TRPM2: variants seen among roughly 807,000 people sequenced by gnomAD.
TRPM2 encodes the protein estrogen-responsive element-associated gene 1 protein.
Under a neutral mutation model 174.0 loss-of-function variants are expected in TRPM2, and 161 were observed. The ratio of observed to expected loss-of-function variants is 0.93; its 90% CI spans 0.81 to 1.05. The LOEUF is 1.05. Ranked by LOEUF, TRPM2 falls within the 50% of genes least tolerant of loss-of-function variation. TRPM2 has a pLI of 0.00. For synonymous variants in TRPM2, 954 were observed against 861.3 expected (o/e 1.11, Z -1.88); for missense variants, 2,057 against 2,038.0 (o/e 1.01, Z -0.18).
At chr21:44,364,748 C>T (rs1011254342) in intron 3 of TRPM2, among the ~76,000 whole-genome samples, 11 of 152,138 alleles carry the variant, frequency 7.2e-5, no homozygotes, top group Admixed American at 5.9e-4. Flanking sequence ...GAAGCAAACG[C>T]GAGAGTCCTT....
At position 44,440,606 on chromosome 21, in the gene TRPM2, C is replaced by T. The variant is rs139679940; in HGVS notation, c.4270-183C>T. On this transcript the variant is annotated intron_variant, in intron 30 of 31. Coordinates refer to ENST00000397928, the MANE Select transcript of TRPM2 (RefSeq NM_003307.4). ...GGACGTGTCTGTCCAGGATGAAGCC[C>T]GCATTGGGCTGCTCCGCCTTGCAGG... Among the ~76,000 whole-genome samples the T allele has an allele frequency of 4.6e-5, 7 of 152,348 alleles. No homozygotes were observed. The East Asian group carries it at 7.7e-4, about 17-fold the overall frequency.
chr21:44,362,346 T>TAAAAAAAA (rs2048234614), intron 2 of TRPM2, among the ~76,000 whole-genome samples: 2 of 39,158 alleles, frequency 5.1e-5, no homozygotes, highest in African/African-American at 2.2e-4. Flanking sequence ...CTACTAAAAA[T>TAAAAAAAA]ACAAAAAAAA....
At chr21:44,408,606 G>A (rs369744948) in intron 19 of TRPM2, among the ~76,000 whole-genome samples, 20 of 149,346 alleles carry the variant, frequency 1.3e-4, no homozygotes, top group Non-Finnish European at 2.5e-4. Flanking sequence ...TGCTAACCTC[G>A]TCGTCTGTAA....
intron 8 of TRPM2, 103 bp from the exon 9 acceptor site, chr21:44,382,615 A>G: frequency 9.0e-7 from 1 of 1,107,052 alleles, no homozygotes; most frequent in Non-Finnish European, 1.3e-6. Context: ...CGCAGGCAGG[A>G]CCCAAGGCTC....
Position 44,414,030 on chromosome 21 carries a change from C to T in TRPM2, c.3102C>T (p.Leu1034=). 1.2e-6 allele frequency: 2 copies of T among 1,613,576 alleles called. No homozygotes were observed. The highest frequency in any genetic ancestry group is 1.7e-6 in the Non-Finnish European group (2 of 1,179,976). Residue 1034 remains leucine, a synonymous_variant, in exon 20 of 32, where the codon CTC becomes CTT. Transcript: ENST00000397928. ...TCCTCCTACTCTGCCTCTACCTGCT[C>T]TTCACCAACATCCTGCTGCTCAACC... The part of the protein sequence containing the change: ...LTVLLLCLYL[L]FTNILLLNLL...
intron 25 of TRPM2, 37 bp downstream of exon 25, chr21:44,425,864 C>A: frequency 6.6e-7 from 1 of 1,504,002 alleles, no homozygotes; most frequent in Non-Finnish European, 8.9e-7. Flanking sequence ...GCGGAGTGGC[C>A]GGGCCCCTGG....
chr21:44,386,690 A>G (rs990580448), intron 9 of TRPM2, among the ~76,000 whole-genome samples: 1 of 151,724 alleles, frequency 6.6e-6, no homozygotes, highest in African/African-American at 2.4e-5. Flanking sequence ...TACAGATCCA[A>G]TGCAATTCCT....
At chr21:44,400,199 C>T (rs1411660395) in intron 14 of TRPM2, 60 bp from the exon 15 acceptor site, 51 of 1,443,450 alleles carry the variant, frequency 3.5e-5, no homozygotes, top group African/African-American at 4.2e-5. Context: ...AGACAGCTGA[C>T]GGGCACCATC....
At chr21:44,374,648 C>G (rs1392398726) in intron 5 of TRPM2, among the ~76,000 whole-genome samples, 1 of 152,252 alleles carries the variant, frequency 6.6e-6, no homozygotes, top group Admixed American at 6.5e-5. Flanking sequence ...CCCTCGCATG[C>G]ACAGTTCACA....
At chr21:44,424,076 T>A (rs1340218480) in intron 23 of TRPM2, among the ~76,000 whole-genome samples, 1 of 151,806 alleles carries the variant, frequency 6.6e-6, no homozygotes, top group Non-Finnish European at 1.5e-5. Flanking sequence ...AAGACCGAGG[T>A]GGGGAGGACT....
In TRPM2 at chr21:44,427,031, G is replaced by C. The variant is rs745947143; in HGVS notation, c.3894G>C (p.Thr1298=). 2 of 1,604,926 alleles carry C rather than the reference G, an allele frequency of 1.2e-6. No homozygotes were observed. The highest frequency in any genetic ancestry group is 2.2e-5 in the East Asian group (1 of 44,584). Reference sequence around the variant, plus strand: ...CCAGCACCCTGGAGCCACTGTCCACGATCCAGTACAACGTGGTGGATGGCC... The same window carrying C: ...CCAGCACCCTGGAGCCACTGTCCACCATCCAGTACAACGTGGTGGATGGCC... ...PMGDTLEPLS[T]IQYNVVDGLR... Residue 1298 remains threonine (T), a synonymous_variant, in exon 27 of 32, where the codon ACG becomes ACC. Transcript: ENST00000397928.
chr21:44,372,082 A>G (rs1211804728), intron 5 of TRPM2, among the ~76,000 whole-genome samples: 2 of 152,218 alleles, frequency 1.3e-5, no homozygotes, highest in Admixed American at 6.5e-5. Flanking sequence ...AGATCATGCC[A>G]CTGCACTCCA....
Position 44,439,521 on chromosome 21 carries a change from T to A in TRPM2, c.4269+353T>A, listed in dbSNP as rs894091998. The stretch of plus-strand genomic sequence containing the variant: ...CATCCACCCTTGCCTCGAGCACAGC[T>A]GCGCCCAAGGGTGCTGGGAAGCCAG... On this transcript the variant is annotated intron_variant, in intron 30 of 31. Coordinates refer to ENST00000397928, the MANE Select transcript of TRPM2 (RefSeq NM_003307.4). The surrounding 1 kb of genome is among the most constrained non-coding windows in gnomAD (Gnocchi z 5.1). 6.6e-6 allele frequency among the ~76,000 whole-genome samples: 1 copy of A among 152,124 alleles called. No individual in the cohort carries two copies. The highest frequency in any genetic ancestry group is 1.5e-5 in the Non-Finnish European group (1 of 68,016).
intron 2 of TRPM2, among the ~76,000 whole-genome samples, chr21:44,359,111 T>A (rs2048139732): frequency 6.6e-6 from 1 of 152,134 alleles, no homozygotes; most frequent in Admixed American, 6.5e-5. Flanking sequence ...TGCTGATTGG[T>A]CCATTTTACA....
chr21:44,403,846 A>G (rs1021645698), intron 16 of TRPM2, among the ~76,000 whole-genome samples: 2 of 151,568 alleles, frequency 1.3e-5, no homozygotes, highest in Non-Finnish European at 2.9e-5. Context: ...CACACATTAC[A>G]CGTGTGCATA....
chr21:44,421,004 G>A (rs1000740175), intron 22 of TRPM2, among the ~76,000 whole-genome samples: 6 of 152,180 alleles, frequency 3.9e-5, no homozygotes, highest in Admixed American at 3.3e-4. Flanking sequence ...CCTGCCTTAA[G>A]GGAGTGGGCT....
upstream of TRPM2, among the ~76,000 whole-genome samples, chr21:44,352,164 C>T (rs2122999806): frequency 9.8e-4 from 149 of 152,362 alleles, no homozygotes; most frequent in Non-Finnish European, 1.4e-3. Flanking sequence ...GTTGTGAAGC[C>T]GGGCCAGTGG....
At chr21:44,398,307 T>A (rs1013571265) in intron 13 of TRPM2, among the ~76,000 whole-genome samples, 1 of 151,880 alleles carries the variant, frequency 6.6e-6, no homozygotes, top group African/African-American at 2.4e-5. Flanking sequence ...TTCAAGCGAT[T>A]CTCCTGTCTC....
rs111286677 is a variant in TRPM2, at chr21:44,395,189, C to T, written c.1795-225C>T. Among the ~76,000 whole-genome samples, 92 of 152,318 alleles carry T rather than the reference C, an allele frequency of 6.0e-4. 3 individuals are homozygous for T. The East Asian group carries it at 0.012, about 20-fold the overall frequency. On this transcript the variant is annotated intron_variant, in intron 11 of 31. Coordinates refer to ENST00000397928, the MANE Select transcript of TRPM2 (RefSeq NM_003307.4). The stretch of plus-strand genomic sequence containing the variant: ...TACACATGTTGGTAAAGGAGTTAGA[C>T]GGGCGTTTCACTTTCTAGATGTCTC...
Sources: gnomAD v4.1 joint callset for allele counts (sites outside exome capture counted in the v4.1 genomes callset) on GRCh38, gnomAD v4.1.1 for gene constraint, Gnocchi (gnomAD v3.1) non-coding constraint, MANE v1.5 for transcripts, NCBI Gene and HGNC (gene_info 2026-07-23, HGNC 2026-07-21) for gene names.